Variants in NFIB observed in about 807,000 individuals in gnomAD.
NFIB encodes nuclear factor I B.
A neutral mutation model predicts 61.5 loss-of-function variants in NFIB; 11 were observed. The observed-to-expected ratio is 0.18, with a 90% confidence interval of 0.11 to 0.30. NFIB has a LOEUF of 0.30. Ranked by LOEUF, NFIB falls within the 10% of genes least tolerant of loss-of-function variation. The pLI is 1.00. For synonymous variants in NFIB, 260 were observed against 216.5 expected (o/e 1.20, Z -1.76); for missense variants, 471 against 608.9 (o/e 0.77, Z 2.38).
the NFIB span, among the ~76,000 whole-genome samples, chr9:14,508,040 G>T: frequency 1.3e-5 from 2 of 151,096 alleles, no homozygotes; most frequent in Non-Finnish European, 2.9e-5. Flanking sequence ...ACACAGAAGG[G>T]ACATGAATAT....
At chr9:14,483,040 G>C in the NFIB span, among the ~76,000 whole-genome samples, 2 of 152,110 alleles carry the variant, frequency 1.3e-5, no homozygotes, top group African/African-American at 4.8e-5. Context: ...TGATCGTCTT[G>C]TGCATTATTT....
At chr9:14,153,215 G>A (rs2043046329) in intron 4 of NFIB, among the ~76,000 whole-genome samples, 1 of 152,202 alleles carries the variant, frequency 6.6e-6, no homozygotes, top group East Asian at 1.9e-4. Flanking sequence ...ATTTATGCAT[G>A]AGCACTGTAA....
At chr9:14,433,035 G>C in the NFIB span, among the ~76,000 whole-genome samples, 3 of 152,158 alleles carry the variant, frequency 2.0e-5, no homozygotes, top group African/African-American at 7.2e-5. Context: ...CTGTCTGTGA[G>C]ACAGGGGTTA....
In NFIB at chr9:14,116,222, G is replaced by C. The variant is rs1365223580; in HGVS notation, c.1370C>G (p.Thr457Ser). ...TLSMTDTKPI[T>S]TSTEAYTASG... Reference sequence around the variant, plus strand: ...AGCTGCCTCACCTTCAGTGGATGTAGTGATGGGTTTAGTATCTGTCATGCT... The same window carrying C: ...AGCTGCCTCACCTTCAGTGGATGTACTGATGGGTTTAGTATCTGTCATGCT... Residue 457 changes from threonine (T) to serine (S), a missense_variant, in exon 9 of 11, where the codon ACT becomes AGT. Coordinates refer to ENST00000380953, the MANE Select transcript of NFIB (RefSeq NM_001190737.2). 2.6e-6 allele frequency: 4 copies of C among 1,518,820 alleles called. No homozygotes were observed. The highest frequency in any genetic ancestry group is 3.5e-6 in the Non-Finnish European group (4 of 1,128,884). 94.1% of individuals were successfully genotyped at this position (1,518,820 alleles called of 1,614,324 possible).
intron 2 of NFIB, among the ~76,000 whole-genome samples, chr9:14,259,404 C>T (rs1010643401): frequency 2.0e-5 from 3 of 152,174 alleles, no homozygotes; most frequent in Non-Finnish European, 4.4e-5. Context: ...TGCTACATAT[C>T]AAAATGGTCT....
intron 2 of NFIB, chr9:14,204,728 G>T: frequency 1.7e-6 from 1 of 584,972 alleles, no homozygotes; most frequent in East Asian, 3.1e-5. Flanking sequence ...ATACAACATG[G>T]ATCCCATCGA....
At chr9:14,264,692 A>C (rs541855677) in intron 2 of NFIB, among the ~76,000 whole-genome samples, 43 of 151,836 alleles carry the variant, frequency 2.8e-4, no homozygotes, top group Non-Finnish European at 4.9e-4. Flanking sequence ...CTTATTTTCA[A>C]CAGACTCTAT....
At chr9:14,427,803 G>C in the NFIB span, among the ~76,000 whole-genome samples, 1 of 152,000 alleles carries the variant, frequency 6.6e-6, no homozygotes, top group Admixed American at 6.6e-5. Context: ...GCTGGTATAA[G>C]CAGGAAATTT....
chr9:14,091,834 A>ATAG (rs1258114496), intron 10 of NFIB, among the ~76,000 whole-genome samples: 1 of 152,116 alleles, frequency 6.6e-6, no homozygotes, highest in African/African-American at 2.4e-5. Flanking sequence ...AAAGAATTTG[A>ATAG]TAGTACCTTA....
chr9:14,144,457 T>C (rs2042077952), intron 6 of NFIB, among the ~76,000 whole-genome samples: 1 of 152,214 alleles, frequency 6.6e-6, no homozygotes, highest in South Asian at 2.1e-4. Flanking sequence ...GGTTTTGTTT[T>C]TCGTTTCACT....
rs996339791 is a variant in NFIB, at chr9:14,313,128, T to G, written c.30+354A>C. On this transcript the variant is annotated intron_variant, in intron 1 of 10. Transcript: ENST00000380953. The surrounding 1 kb of genome is among the most constrained non-coding windows in gnomAD (Gnocchi z 4.5). ...GAGTCCACCTCAACGCGCGAGCTGC[T>G]GAGAGGGGCTACGGGCACCCCGGGC... Among the ~76,000 whole-genome samples the G allele has an allele frequency of 6.6e-6, 1 of 152,272 alleles. No homozygotes were observed. The highest frequency in any genetic ancestry group is 1.9e-4 in the East Asian group (1 of 5,176).
At chr9:14,339,697 T>C (rs1441441546) in intron 1 of NFIB, among the ~76,000 whole-genome samples, 3 of 152,212 alleles carry the variant, frequency 2.0e-5, no homozygotes, top group Non-Finnish European at 4.4e-5. Flanking sequence ...TTTATCCAAC[T>C]GGATAAACTT....
At chr9:14,260,717 G>A (rs1248892441) in intron 2 of NFIB, among the ~76,000 whole-genome samples, 2 of 152,178 alleles carry the variant, frequency 1.3e-5, no homozygotes, top group Non-Finnish European at 2.9e-5. Flanking sequence ...AATCTTGCAG[G>A]ATAGCTCAGA....
At chr9:14,314,791 C>CTTT (rs773956206), upstream of NFIB, among the ~76,000 whole-genome samples, 21 of 133,988 alleles carry the variant, frequency 1.6e-4, no homozygotes, top group African/African-American at 4.9e-4. Flanking sequence ...AGAACCATGA[C>CTTT]TTTTTTTTTT....
At chr9:14,456,581 A>G in the NFIB span, among the ~76,000 whole-genome samples, 2 of 152,210 alleles carry the variant, frequency 1.3e-5, no homozygotes, top group Non-Finnish European at 2.9e-5. Flanking sequence ...TATTCATATG[A>G]AAGGATGCTC....
chr9:14,090,270 G>A (rs372751289), intron 10 of NFIB, among the ~76,000 whole-genome samples: 5 of 152,040 alleles, frequency 3.3e-5, no homozygotes, highest in African/African-American at 1.2e-4. Flanking sequence ...ATGAAAAATC[G>A]TAACTCTTAA....
upstream of NFIB, among the ~76,000 whole-genome samples, chr9:14,316,500 C>A (rs910254997): frequency 6.6e-5 from 10 of 152,260 alleles, no homozygotes; most frequent in Non-Finnish European, 1.0e-4. Flanking sequence ...CCCGGCAAAT[C>A]CTGGAGTCAG....
At chr9:14,476,200 A>G in the NFIB span, among the ~76,000 whole-genome samples, 1 of 151,964 alleles carries the variant, frequency 6.6e-6, no homozygotes, top group Non-Finnish European at 1.5e-5. Flanking sequence ...TTGATTTGCA[A>G]ATGACAAAGA....
chr9:14,477,268 C>A, the NFIB span, among the ~76,000 whole-genome samples: 12 of 151,790 alleles, frequency 7.9e-5, no homozygotes, highest in African/African-American at 2.9e-4. Context: ...ATAACATATG[C>A]CTATGATTAA....
Sources: allele counts gnomAD v4.1 joint callset (sites outside exome capture counted in the v4.1 genomes callset), GRCh38; gene constraint gnomAD v4.1.1; non-coding constraint Gnocchi (gnomAD v3.1); transcripts MANE v1.5; gene names NCBI Gene and HGNC (gene_info 2026-07-23, HGNC 2026-07-21).